GRIA1: variants seen among roughly 807,000 people sequenced by gnomAD.
GRIA1 encodes the protein glutamate ionotropic receptor AMPA type subunit 1, also known as glutamate receptor 1.
A neutral mutation model predicts 99.2 loss-of-function variants in GRIA1; 31 were observed. The ratio of observed to expected loss-of-function variants is 0.31; its 90% confidence interval spans 0.23 to 0.42. GRIA1 has a LOEUF of 0.42. Ranked by LOEUF, GRIA1 falls within the 10% of genes least tolerant of loss-of-function variation. GRIA1 has a pLI of 1.00. For synonymous variants in GRIA1, 438 were observed against 432.4 expected, an observed-to-expected ratio of 1.01 and a Z score of -0.16; for missense variants, 782 against 1,157.5, an observed-to-expected ratio of 0.68 and a Z score of 4.71.
intron 11 of GRIA1, among the ~76,000 whole-genome samples, chr5:153,757,319 C>T (rs1762896732): frequency 6.6e-6 from 1 of 151,922 alleles, no homozygotes; most frequent in Non-Finnish European, 1.5e-5. Flanking sequence ...ATCAAAAGAG[C>T]AAATATTTGG....
intron 2 of GRIA1, among the ~76,000 whole-genome samples, chr5:153,554,241 A>G (rs1760412037): frequency 6.6e-6 from 1 of 152,160 alleles, no homozygotes; most frequent in South Asian, 2.1e-4. Flanking sequence ...TGAGGTCTGC[A>G]ATTGGAGAGT....
At chr5:153,709,716 G>A (rs1243003484) in intron 11 of GRIA1, among the ~76,000 whole-genome samples, 1 of 152,144 alleles carries the variant, frequency 6.6e-6, no homozygotes, top group Non-Finnish European at 1.5e-5. Flanking sequence ...AAAAAGTGTT[G>A]CCTTCTATTT....
intron 13 of GRIA1, among the ~76,000 whole-genome samples, chr5:153,778,020 G>A (rs1324362413): frequency 6.6e-6 from 1 of 152,186 alleles, no homozygotes; most frequent in East Asian, 1.9e-4. Context: ...TCTGAGTGGA[G>A]AGGCTGGATT....
At chr5:153,655,967 G>C in intron 5 of GRIA1, 95 bp downstream of exon 5, 2 of 983,000 alleles carry the variant, frequency 2.0e-6, no homozygotes, top group Non-Finnish European at 3.3e-6. Flanking sequence ...AACTGAGTAG[G>C]TGGAAGGGGC....
rs749613272 is a variant in GRIA1 at position 153,698,178 on chromosome 5, G to A, written c.1245+24G>A. The stretch of plus-strand genomic sequence containing the variant: ...TAGTGAGTACTCAGTCCTTCATCAA[G>A]GTTACTTGGGATTCAAGCTAGGCCA... On this transcript the variant is annotated intron_variant, in intron 9 of 15. Transcript: ENST00000285900. 5 of 1,278,440 alleles carry A rather than the reference G, an allele frequency of 3.9e-6. No individual in the cohort carries two copies. In the African/African-American group the frequency reaches 7.3e-5, roughly 19 times the overall value. 79.2% of individuals were successfully genotyped at this position (1,278,440 alleles called of 1,614,324 possible).
chr5:153,729,651 C>A (rs1475274678), intron 11 of GRIA1, among the ~76,000 whole-genome samples: 1 of 151,924 alleles, frequency 6.6e-6, no homozygotes, highest in African/African-American at 2.4e-5. Context: ...TGTGAATTTT[C>A]CACCCCTGTT....
intron 10 of GRIA1, among the ~76,000 whole-genome samples, chr5:153,700,603 G>A (rs1036663109): frequency 2.6e-5 from 4 of 152,114 alleles, no homozygotes; most frequent in African/African-American, 7.2e-5. Context: ...GGGAGATCAC[G>A]AAGGTATTTG....
At chr5:153,730,625 A>C (rs912791349) in intron 11 of GRIA1, among the ~76,000 whole-genome samples, 1 of 152,150 alleles carries the variant, frequency 6.6e-6, no homozygotes, top group African/African-American at 2.4e-5. Context: ...CAGAAAATAA[A>C]GAATAAATTA....
At chr5:153,808,448 G>A (rs1766589885) in intron 15 of GRIA1, among the ~76,000 whole-genome samples, 1 of 152,112 alleles carries the variant, frequency 6.6e-6, no homozygotes, top group Admixed American at 6.5e-5. Context: ...CTTGTCACTA[G>A]GTCACATATA....
At chr5:153,727,004 TGA>T (rs1561805545) in intron 11 of GRIA1, among the ~76,000 whole-genome samples, 1 of 152,120 alleles carries the variant, frequency 6.6e-6, no homozygotes, top group Non-Finnish European at 1.5e-5. Flanking sequence ...ATTGGCAAAC[TGA>T]ATCCAGCAGC....
intron 2 of GRIA1, among the ~76,000 whole-genome samples, chr5:153,610,504 C>G (rs1326634458): frequency 6.6e-6 from 1 of 152,174 alleles, no homozygotes; most frequent in African/African-American, 2.4e-5. Context: ...AAAGTGAACT[C>G]CTGTCCTTTG....
At chr5:153,717,508 A>G (rs912254845) in intron 11 of GRIA1, among the ~76,000 whole-genome samples, 4 of 121,590 alleles carry the variant, frequency 3.3e-5, no homozygotes, top group African/African-American at 1.3e-4. Flanking sequence ...CTACCTGTCA[A>G]TCAAGATCCT....
At chr5:153,795,772 C>T (rs973930966) in intron 14 of GRIA1, among the ~76,000 whole-genome samples, 1 of 152,122 alleles carries the variant, frequency 6.6e-6, no homozygotes, top group African/African-American at 2.4e-5. Flanking sequence ...TGTTTCCCAA[C>T]CCCATGGAAC....
intron 11 of GRIA1, among the ~76,000 whole-genome samples, chr5:153,706,760 T>C (rs566820778): frequency 1.6e-4 from 24 of 152,238 alleles, no homozygotes; most frequent in African/African-American, 5.5e-4. Flanking sequence ...GGAAATAATC[T>C]AGTTCCAGTG....
chr5:153,493,365 G>T lies in GRIA1; in HGVS notation c.83-563G>T, dbSNP rs866342532. On this transcript the variant is annotated intron_variant, in intron 1 of 15. Transcript: ENST00000285900. ...TGAATAATAAACCTTAGGGGCAATA[G>T]AATAGTTAAATTGCATGCAGGTCTT... 4.2e-4 allele frequency among the ~76,000 whole-genome samples: 64 copies of T among 152,292 alleles called. No individual in the cohort carries two copies. In the Middle Eastern group the frequency reaches 0.01, roughly 24 times the overall value.
chr5:153,701,507 G>A (rs993202907), intron 10 of GRIA1, among the ~76,000 whole-genome samples: 4 of 150,574 alleles, frequency 2.7e-5, no homozygotes, highest in African/African-American at 7.3e-5. Flanking sequence ...CTAGGAATTC[G>A]GGAGCTGAGT....
At chr5:153,674,388 T>C in intron 5 of GRIA1, 112 bp from the exon 6 acceptor site, 1 of 1,154,994 alleles carries the variant, frequency 8.7e-7, no homozygotes, top group Non-Finnish European at 1.3e-6. Context: ...GTCTCTCCAT[T>C]GAGTAGGTTT....
rs747490915 is a variant in GRIA1 at position 153,595,827 on chromosome 5, TAACA to T, written c.221-51098_221-51095del. Among the ~76,000 whole-genome samples the T allele has an allele frequency of 8.0e-5, 12 of 150,798 alleles. No homozygotes were observed. In the East Asian group the frequency reaches 2.3e-3, roughly 29 times the overall value. On this transcript the variant is annotated intron_variant, in intron 2 of 15. Transcript: ENST00000285900. ...AATAGTTCTTTAGTCCTTTACTAAC[TAACA>T]AAGTGCTAGACACAGAATGCTGGGC...
intron 11 of GRIA1, among the ~76,000 whole-genome samples, chr5:153,729,401 T>A (rs914440674): frequency 3.3e-5 from 5 of 151,706 alleles, no homozygotes; most frequent in South Asian, 2.1e-4. Context: ...AAAATAAAAT[T>A]AATTAATTAA....
Sources: gnomAD v4.1 joint callset for allele counts (sites outside exome capture counted in the v4.1 genomes callset) on GRCh38, gnomAD v4.1.1 for gene constraint, MANE v1.5 for transcripts, NCBI Gene and HGNC (gene_info 2026-07-23, HGNC 2026-07-21) for gene names.